Variants in FAM90A20 observed in about 807,000 individuals in gnomAD.
FAM90A20 encodes the protein family with sequence similarity 90 member A20, also known as protein FAM90A20.
the FAM90A20 span, chr8:7,297,958 G>A: frequency 5.9e-6 from 4 of 679,276 alleles, no homozygotes; most frequent in South Asian, 1.5e-5. Context: ...GTGTCCCACC[G>A]AGCGTCCTCT....
chr8:7,296,550 T>A, the FAM90A20 span, among the ~76,000 whole-genome samples: 1 of 135,678 alleles, frequency 7.4e-6, no homozygotes, highest in Non-Finnish European at 1.5e-5. Context: ...GTCAGTTTGA[T>A]TCCAGGCGAA....
At chr8:7,297,262 T>G in the FAM90A20 span, 1 of 1,424,996 alleles carries the variant, frequency 7.0e-7, no homozygotes, top group Non-Finnish European at 9.7e-7. Flanking sequence ...CCGACATCCC[T>G]CGGCCTGCAG....
chr8:7,297,482 A>C, the FAM90A20 span: 19 of 1,536,964 alleles, frequency 1.2e-5, 1 homozygote, highest in African/African-American at 4.0e-5. Context: ...CTCCAATCTC[A>C]GCTTTGGGTC....
At chr8:7,297,531 G>T in the FAM90A20 span, 6 of 1,522,028 alleles carry the variant, frequency 3.9e-6, 1 homozygote, top group African/African-American at 8.1e-5. Context: ...ATTCAGGCTT[G>T]CCTGAACTTC....
the FAM90A20 span, chr8:7,295,032 C>G: frequency 6.7e-5 from 2 of 29,982 alleles, no homozygotes; most frequent in East Asian, 1.1e-3. Context: ...ACGTCGGGAC[C>G]CCACATCTTG....
At chr8:7,297,269 G>C in the FAM90A20 span, 5 of 1,395,792 alleles carry the variant, frequency 3.6e-6, no homozygotes, top group South Asian at 5.8e-5. Flanking sequence ...CCCTCGGCCT[G>C]CAGTCAGGCA....
chr8:7,297,388 C>G, the FAM90A20 span: 9 of 1,519,826 alleles, frequency 5.9e-6, 1 homozygote, highest in East Asian at 6.7e-5. Flanking sequence ...TGCTCCAGGC[C>G]GTCAGAACCC....
chr8:7,296,700 G>T, the FAM90A20 span, among the ~76,000 whole-genome samples: 1 of 135,634 alleles, frequency 7.4e-6, no homozygotes, highest in Non-Finnish European at 1.5e-5. Context: ...CCAGGAACAT[G>T]CATGTGTTCA....
At chr8:7,296,321 A>G in the FAM90A20 span, 9 of 740,080 alleles carry the variant, frequency 1.2e-5, no homozygotes, top group Admixed American at 1.2e-4. Flanking sequence ...GCTCTCCTCC[A>G]CATGTTTTCC....
the FAM90A20 span, chr8:7,297,014 G>A: frequency 3.9e-5 from 56 of 1,425,300 alleles, 3 homozygotes; most frequent in African/African-American, 6.2e-5. Context: ...TTTTCATGTT[G>A]GCTCCATGCT....
the FAM90A20 span, chr8:7,297,406 A>G: frequency 1.9e-6 from 3 of 1,546,340 alleles, no homozygotes; most frequent in South Asian, 1.1e-5. Flanking sequence ...CCCAGGCACA[A>G]GACAAACGTC....
chr8:7,297,171 C>T, the FAM90A20 span: 85 of 1,536,634 alleles, frequency 5.5e-5, 11 homozygotes, highest in South Asian at 1.1e-4. Flanking sequence ...TCCGTCTTGG[C>T]TTCACTGTCT....
chr8:7,297,447 C>G, the FAM90A20 span: 3 of 1,553,058 alleles, frequency 1.9e-6, 1 homozygote, highest in Non-Finnish European at 2.6e-6. Context: ...TGCCCATCAG[C>G]CGCCACACAC....
chr8:7,296,508 T>A, the FAM90A20 span: 1 of 643,884 alleles, frequency 1.6e-6, no homozygotes, highest in Admixed American at 2.1e-5. Flanking sequence ...TTTCTTGTCT[T>A]CTTGGGGTCA....
chr8:7,297,286 C>A, the FAM90A20 span: 1 of 1,350,496 alleles, frequency 7.4e-7, no homozygotes, highest in Non-Finnish European at 1.0e-6. Flanking sequence ...GGCACCAGGT[C>A]CACGAGACTC....
chr8:7,296,974 T>A, the FAM90A20 span: 90 of 1,150,852 alleles, frequency 7.8e-5, 3 homozygotes, highest in South Asian at 1.1e-3. Flanking sequence ...AATTTCATGG[T>A]GTGTGCACCT....
chr8:7,296,428 T>C, the FAM90A20 span: 21 of 725,370 alleles, frequency 2.9e-5, 2 homozygotes, highest in Admixed American at 3.4e-4. Flanking sequence ...CTGGTCCTTT[T>C]ATCCTCTAGG....
the FAM90A20 span, chr8:7,297,429 C>T: frequency 9.0e-6 from 14 of 1,556,020 alleles, 1 homozygote; most frequent in East Asian, 2.9e-4. Flanking sequence ...GCGGTGACCT[C>T]ACAGCCCTGC....
chr8:7,296,521 G>A, the FAM90A20 span: 6 of 634,324 alleles, frequency 9.5e-6, no homozygotes, highest in East Asian at 1.2e-4. Context: ...TGGGGTCAGG[G>A]CCTCCACGAT....
Sources: gnomAD v4.1 joint callset for allele counts (sites outside exome capture counted in the v4.1 genomes callset) on GRCh38, gnomAD v4.1.1 for gene constraint, MANE v1.5 for transcripts, NCBI Gene and HGNC (gene_info 2026-07-23, HGNC 2026-07-21) for gene names.